The following ZNF493 variants were observed in gnomAD, a reference collection of about 807,000 sequenced individuals.
ZNF493 encodes zinc finger protein 493.
In ZNF493, 11 loss-of-function variants were observed where a neutral mutation model predicts 12.2. That is an observed-to-expected ratio of 0.90 (90% CI 0.57 to 1.50). The LOEUF (loss-of-function observed/expected upper bound fraction) is 1.50. Ranked by LOEUF, ZNF493 falls within the 40% of genes most tolerant of loss-of-function variation. The pLI is 0.00. For missense variants in ZNF493, 950 were observed against 906.6 expected, an observed-to-expected ratio of 1.05 and a Z score of -0.61; for synonymous variants, 286 against 302.6, an observed-to-expected ratio of 0.95 and a Z score of 0.57.
intron 2 of ZNF493, 103 bp from the exon 3 acceptor site, chr19:21,405,658 A>G: frequency 8.9e-7 from 1 of 1,125,820 alleles, no homozygotes; most frequent in Non-Finnish European, 1.2e-6. Flanking sequence ...TTTGGGATAA[A>G]TTTTCTAGAA....
At position 21,423,386 on chromosome 19, in the gene ZNF493, G is replaced by A. The variant is rs1178677697; in HGVS notation, c.727G>A (p.Gly243Ser). ...AGAGAAATCCTACAAATATGAATGT[G>A]GCAAATCTTTTAACCAGGACTCAAA... ...TGEKSYKYECGKSFNQDSNLT... is the reference protein window; with the variant it reads ...TGEKSYKYECSKSFNQDSNLT... Residue 243 changes from glycine (G) to serine (S), a missense_variant, in exon 4 of 4, where the codon GGC becomes AGC. Gly to Ser is a moderately conservative substitution (Grantham distance 56, BLOSUM62 0). Coordinates refer to ENST00000392288, the MANE Select transcript of ZNF493 (RefSeq NM_001076678.3). 1 of 1,613,254 alleles carries A rather than the reference G, an allele frequency of 6.2e-7. No homozygotes were observed. Among genetic ancestry groups the A allele is most frequent in the Admixed American group, 1.7e-5 (1 of 59,954 alleles).
At chr19:21,401,086 A>G (rs1203101025) in intron 1 of ZNF493, among the ~76,000 whole-genome samples, 2 of 152,164 alleles carry the variant, frequency 1.3e-5, no homozygotes, top group Non-Finnish European at 2.9e-5. Flanking sequence ...GTTGGCTGTA[A>G]GTTTGTCATA....
At position 21,423,088 on chromosome 19, in the gene ZNF493, C is replaced by A. The variant is rs2030731583; in HGVS notation, c.429C>A (p.Asn143Lys). 6 of 1,613,610 alleles carry A rather than the reference C, an allele frequency of 3.7e-6. No homozygotes were observed. The highest frequency in any genetic ancestry group is 2.2e-5 in the East Asian group (1 of 44,792). ...NVHKEGYNEL[N>K]QYLTTTQSKI... ...ACAAAGAAGGTTATAATGAACTAAA[C>A]CAGTATTTGACAACTACCCAGAGCA... Residue 143 changes from asparagine to lysine, a missense_variant, in exon 4 of 4, where the codon AAC becomes AAA. Asn to Lys is a moderately conservative substitution (Grantham distance 94, BLOSUM62 0). Coordinates refer to ENST00000392288, the MANE Select transcript of ZNF493 (RefSeq NM_001076678.3).
chr19:21,405,119 T>C lies in ZNF493; in HGVS notation c.31-10T>C. On this transcript the variant is annotated splice_polypyrimidine_tract_variant and intron_variant, in intron 1 of 3. Coordinates refer to ENST00000392288, the MANE Select transcript of ZNF493 (RefSeq NM_001076678.3). The stretch of plus-strand genomic sequence containing the variant: ...GTGTGTGTGTGTGTGTTTGTGTGTG[T>C]TTGTTTCAGGGGCCGTTGACATTTA... 6.2e-7 allele frequency: 1 copy of C among 1,611,806 alleles called. No homozygotes were observed. Among genetic ancestry groups the C allele is most frequent in the Non-Finnish European group, 8.5e-7 (1 of 1,179,220 alleles).
At chr19:21,405,546 C>A in intron 2 of ZNF493, 2 of 1,283,102 alleles carry the variant, frequency 1.6e-6, no homozygotes, top group Non-Finnish European at 2.0e-6. Context: ...ATCTATATGC[C>A]ACCACTAATT....
At chr19:21,413,182 G>C (rs1436903978) in intron 3 of ZNF493, 7 of 317,404 alleles carry the variant, frequency 2.2e-5, no homozygotes, top group Admixed American at 4.7e-5. Context: ...ATTTTTTCTG[G>C]CCAGGTACTA....
rs2030731678 is a variant in ZNF493, at chr19:21,423,089, C to G, written c.430C>G (p.Gln144Glu). 6 of 1,613,492 alleles carry G rather than the reference C, an allele frequency of 3.7e-6. No individual in the cohort carries two copies. Among genetic ancestry groups the G allele is most frequent in the East Asian group, 2.2e-5 (1 of 44,790 alleles). Residue 144 changes from glutamine to glutamate, a missense_variant, in exon 4 of 4, where the codon CAG (glutamine) becomes GAG (glutamate). By Grantham distance (29) the Gln-to-Glu change is conservative (BLOSUM62 2). Coordinates refer to ENST00000392288, the MANE Select transcript of ZNF493 (RefSeq NM_001076678.3). Reference sequence around the variant, plus strand: ...CAAAGAAGGTTATAATGAACTAAACCAGTATTTGACAACTACCCAGAGCAA... The same window carrying G: ...CAAAGAAGGTTATAATGAACTAAACGAGTATTTGACAACTACCCAGAGCAA... ...VHKEGYNELN[Q>E]YLTTTQSKIF...
chr19:21,418,701 A>G (rs906340466), intron 3 of ZNF493, among the ~76,000 whole-genome samples: 2 of 152,252 alleles, frequency 1.3e-5, no homozygotes, highest in Non-Finnish European at 1.5e-5. Flanking sequence ...CAAGCCAGTC[A>G]TTAGCACTGT....
chr19:21,403,593 T>C (rs966160273), intron 1 of ZNF493, among the ~76,000 whole-genome samples: 1 of 152,160 alleles, frequency 6.6e-6, no homozygotes, highest in African/African-American at 2.4e-5. Flanking sequence ...AGGATGCAGG[T>C]GTAACTTCTC....
Position 21,423,319 on chromosome 19 carries a change from C to G in ZNF493, c.660C>G (p.Ile220Met). The change falls in exon 4 of 4, where the codon ATC becomes ATG. Residue 220 changes from isoleucine (I) to methionine (M), a missense_variant. By Grantham distance (10) the Ile-to-Met change is conservative. Coordinates refer to ENST00000392288, the MANE Select transcript of ZNF493 (RefSeq NM_001076678.3). ...YRCEECGKAFIWFSTLTRHRR... is the reference protein window; with the variant it reads ...YRCEECGKAFMWFSTLTRHRR... ...GTGAAGAATGTGGCAAAGCCTTTAT[C>G]TGGTTTTCAACCCTTACTAGACACA... 1.2e-6 allele frequency: 2 copies of G among 1,608,548 alleles called. No homozygotes were observed. The highest frequency in any genetic ancestry group is 1.7e-6 in the Non-Finnish European group (2 of 1,177,834).
At chr19:21,404,318 A>G (rs1375780806) in intron 1 of ZNF493, among the ~76,000 whole-genome samples, 2 of 152,212 alleles carry the variant, frequency 1.3e-5, no homozygotes, top group Non-Finnish European at 2.9e-5. Flanking sequence ...AGCAGTGATG[A>G]TGTCTTCTTC....
chr19:21,420,827 C>G (rs1224799641), intron 3 of ZNF493, among the ~76,000 whole-genome samples: 1 of 147,536 alleles, frequency 6.8e-6, no homozygotes, highest in East Asian at 2.0e-4. Context: ...TCTCAGCTCA[C>G]TGCAACCCCT....
intron 3 of ZNF493, among the ~76,000 whole-genome samples, chr19:21,421,668 T>G (rs750650204): frequency 6.6e-6 from 1 of 152,058 alleles, no homozygotes; most frequent in Non-Finnish European, 1.5e-5. Context: ...CTGGCCACAT[T>G]GTAATCTTTT....
Position 21,425,658 on chromosome 19 carries a change from C to A in ZNF493, c.*674C>A. 1 of 835,874 alleles carries A rather than the reference C, an allele frequency of 1.2e-6. No homozygotes were observed. Among genetic ancestry groups the A allele is most frequent in the Non-Finnish European group, 1.9e-6 (1 of 525,868 alleles). 51.8% of individuals were successfully genotyped at this position (835,874 alleles called of 1,614,324 possible). On this transcript the variant is annotated 3_prime_UTR_variant, in exon 4 of 4. Transcript: ENST00000392288. ...TAACCAATCCTCAACCCTTACTACA[C>A]ATTAGATAATTCATGCTGGAGAGAA...
chr19:21,417,386 T>A (rs573874036), intron 3 of ZNF493, among the ~76,000 whole-genome samples: 7 of 152,250 alleles, frequency 4.6e-5, no homozygotes, highest in Middle Eastern at 6.8e-3. Flanking sequence ...AAGGCCTGGA[T>A]ATAATCAACT....
chr19:21,411,959 G>A (rs2030340513), intron 3 of ZNF493: 1 of 151,998 alleles, frequency 6.6e-6, no homozygotes, highest in South Asian at 2.1e-4. Flanking sequence ...TTGAACAGGA[G>A]CATGCTGAAG....
intron 3 of ZNF493, among the ~76,000 whole-genome samples, chr19:21,420,739 C>T (rs1185687070): frequency 9.9e-6 from 1 of 100,894 alleles, no homozygotes; most frequent in African/African-American, 3.7e-5. Context: ...TAAGAGTATT[C>T]TTGCAAATAA....
intron 3 of ZNF493, among the ~76,000 whole-genome samples, chr19:21,410,060 G>GTGTATATATATATATA (rs1491483385): frequency 1.6e-4 from 7 of 43,952 alleles, no homozygotes; most frequent in African/African-American, 4.6e-4. Context: ...TTCATTGTGT[G>GTGTATATATATATATA]TATATATATA....
At chr19:21,399,147 ATTTATTT>A (rs984410895) in intron 1 of ZNF493, among the ~76,000 whole-genome samples, 22 of 152,000 alleles carry the variant, frequency 1.4e-4, no homozygotes, top group East Asian at 3.9e-4. Flanking sequence ...TCTGTTATTT[ATTTATTT>A]TTTATTTTTT....
Sources: gnomAD v4.1 joint callset for allele counts (sites outside exome capture counted in the v4.1 genomes callset) on GRCh38, gnomAD v4.1.1 for gene constraint, MANE v1.5 for transcripts, NCBI Gene and HGNC (gene_info 2026-07-23, HGNC 2026-07-21) for gene names.